NKAIN3: variants seen among roughly 807,000 people sequenced by gnomAD.
The protein encoded by NKAIN3 is sodium/potassium-transporting ATPase subunit beta-1-interacting protein 3.
NKAIN3 carries 25 observed loss-of-function variants against 30.2 expected under a neutral mutation model. The ratio of observed to expected loss-of-function variants is 0.83; its 90% CI spans 0.60 to 1.16. The LOEUF (loss-of-function observed/expected upper bound fraction) is 1.16. NKAIN3 is among the 50% of genes most tolerant of loss of function. NKAIN3 has a pLI of 0.00. For missense variants in NKAIN3, 225 were observed against 254.1 expected (o/e 0.89, Z 0.78); for synonymous variants, 91 against 89.6 (o/e 1.02, Z -0.09).
chr8:62,299,674 A>ACCCC (rs1813973909), intron 1 of NKAIN3, among the ~76,000 whole-genome samples: 1 of 152,010 alleles, frequency 6.6e-6, no homozygotes, highest in Non-Finnish European at 1.5e-5. Context: ...AAAAAGGAAC[A>ACCCC]CCTCTCTGTG....
intron 1 of NKAIN3, among the ~76,000 whole-genome samples, chr8:62,520,152 A>G (rs1262292957): frequency 6.6e-6 from 1 of 152,258 alleles, no homozygotes; most frequent in East Asian, 1.9e-4. Context: ...GACTATGTAG[A>G]TATCCTTAAA....
At chr8:62,394,358 C>T (rs564273614) in intron 1 of NKAIN3, among the ~76,000 whole-genome samples, 42 of 151,942 alleles carry the variant, frequency 2.8e-4, no homozygotes, top group Middle Eastern at 3.4e-3. Context: ...TGCTTAGATA[C>T]GTTACATTTA....
At chr8:62,909,799 A>AT (rs751696580) in intron 4 of NKAIN3, among the ~76,000 whole-genome samples, 4 of 152,160 alleles carry the variant, frequency 2.6e-5, no homozygotes, top group Non-Finnish European at 5.9e-5. Context: ...TAATATAGAG[A>AT]TTATGGTTGG....
At chr8:62,602,826 C>T (rs1344943250) in intron 3 of NKAIN3, among the ~76,000 whole-genome samples, 2 of 152,078 alleles carry the variant, frequency 1.3e-5, no homozygotes, top group African/African-American at 2.4e-5. Flanking sequence ...CCACTAACTT[C>T]AATAAGTCAA....
intron 4 of NKAIN3, among the ~76,000 whole-genome samples, chr8:62,752,652 C>T (rs1563546370): frequency 1.3e-5 from 2 of 152,154 alleles, no homozygotes. Flanking sequence ...TGTCAACAGC[C>T]AGTAGTGTGC....
At chr8:62,790,347 C>A (rs1817664743) in intron 4 of NKAIN3, among the ~76,000 whole-genome samples, 1 of 152,118 alleles carries the variant, frequency 6.6e-6, no homozygotes, top group African/African-American at 2.4e-5. Flanking sequence ...AAACCCACAG[C>A]CAATATCATA....
intron 3 of NKAIN3, among the ~76,000 whole-genome samples, chr8:62,707,782 C>A (rs756016424): frequency 6.6e-6 from 1 of 151,918 alleles, no homozygotes; most frequent in Admixed American, 6.6e-5. Flanking sequence ...TTGGGTCCTC[C>A]ATCATGAAAT....
chr8:62,990,464 G>A (rs1397043736), intron 5 of NKAIN3: 1 of 696,288 alleles, frequency 1.4e-6, no homozygotes, highest in Non-Finnish European at 1.9e-6. Flanking sequence ...CCATTGCTTT[G>A]TATAAAATGT....
In NKAIN3 at chr8:62,294,692, C is replaced by A. The variant is rs533870182; in HGVS notation, c.54+45565C>A. Among the ~76,000 whole-genome samples, 9 of 149,178 alleles carry A rather than the reference C, an allele frequency of 6.0e-5. No homozygotes were observed. In the East Asian group the frequency reaches 1.8e-3, roughly 29 times the overall value. On this transcript the variant is annotated intron_variant, in intron 1 of 6. Coordinates refer to ENST00000623646, the MANE Select transcript of NKAIN3 (RefSeq NM_001304533.3). ...CCTGGGGACCACAAGCACGTGTCACCATGCTGGTAAATTTTTGTATTTTAA... is the reference window on the plus strand; with the variant it reads ...CCTGGGGACCACAAGCACGTGTCACAATGCTGGTAAATTTTTGTATTTTAA...
At chr8:62,286,791 A>T (rs1433485793) in intron 1 of NKAIN3, among the ~76,000 whole-genome samples, 1 of 152,090 alleles carries the variant, frequency 6.6e-6, no homozygotes, top group African/African-American at 2.4e-5. Flanking sequence ...ATTTCAGCAT[A>T]AGATTGAGCT....
rs1010852689 is a variant in NKAIN3 at position 62,596,208 on chromosome 8, A to T, written c.273+6414A>T. Among the ~76,000 whole-genome samples, 5 of 151,946 alleles carry T rather than the reference A, an allele frequency of 3.3e-5. No individual in the cohort carries two copies. In the South Asian group the frequency reaches 1.0e-3, roughly 32 times the overall value. On this transcript the variant is annotated intron_variant, in intron 3 of 6. Coordinates refer to ENST00000623646, the MANE Select transcript of NKAIN3 (RefSeq NM_001304533.3). ...TGGCTAGCCATCCTGAGGGGAGGAA[A>T]CTATGTCTTCGTGAGTTTCCTCATT...
At chr8:62,701,206 T>A (rs1275063928) in intron 3 of NKAIN3, among the ~76,000 whole-genome samples, 1 of 152,186 alleles carries the variant, frequency 6.6e-6, no homozygotes, top group African/African-American at 2.4e-5. Flanking sequence ...ATGCAATAGA[T>A]GTTAGGATTT....
In NKAIN3 at chr8:62,880,879, T is replaced by C. The variant is rs539731998; in HGVS notation, c.472-37574T>C. On this transcript the variant is annotated intron_variant, in intron 4 of 6. Transcript: ENST00000623646. ...ATTTTAAATTTGATTAAAGAGCACA[T>C]AGAAAATCATTTCTGTATATTTAAT... Among the ~76,000 whole-genome samples, 14 of 152,302 alleles carry C rather than the reference T, an allele frequency of 9.2e-5. 1 individual carries two copies. In the South Asian group the frequency reaches 2.9e-3, roughly 32 times the overall value.
intron 1 of NKAIN3, among the ~76,000 whole-genome samples, chr8:62,467,408 C>G (rs1434830717): frequency 6.6e-6 from 1 of 152,172 alleles, no homozygotes; most frequent in African/African-American, 2.4e-5. Context: ...CTGTAAAGTC[C>G]TATAGCTAAT....
At chr8:62,846,327 CTTTTA>C (rs980797961) in intron 4 of NKAIN3, among the ~76,000 whole-genome samples, 3 of 151,938 alleles carry the variant, frequency 2.0e-5, no homozygotes, top group African/African-American at 4.8e-5. Flanking sequence ...TTATTTCCAA[CTTTTA>C]TTTTAAGTTC....
chr8:62,379,178 G>A (rs1585741198), intron 1 of NKAIN3, among the ~76,000 whole-genome samples: 1 of 152,176 alleles, frequency 6.6e-6, no homozygotes. Context: ...CCTTTGTTTT[G>A]TCCAATTTCT....
At chr8:62,619,860 A>C (rs1811570809) in intron 3 of NKAIN3, among the ~76,000 whole-genome samples, 1 of 152,182 alleles carries the variant, frequency 6.6e-6, no homozygotes, top group African/African-American at 2.4e-5. Flanking sequence ...ACACCCTTGT[A>C]AAATAAATTG....
chr8:62,467,883 C>G (rs1461996306), intron 1 of NKAIN3, among the ~76,000 whole-genome samples: 5 of 152,074 alleles, frequency 3.3e-5, no homozygotes, highest in Admixed American at 3.3e-4. Context: ...ATCCTCCCAC[C>G]TCAGCCTCTC....
At position 62,813,280 on chromosome 8, in the gene NKAIN3, A is replaced by G. The variant is rs1266991742; in HGVS notation, c.471+66151A>G. On this transcript the variant is annotated intron_variant, in intron 4 of 6. Coordinates refer to ENST00000623646, the MANE Select transcript of NKAIN3 (RefSeq NM_001304533.3). ...AGTATATTTTGAACTCTGTTAATAT[A>G]ACGCCTGCAACATTGTCCTGGCACT... 5.9e-5 allele frequency among the ~76,000 whole-genome samples: 9 copies of G among 152,010 alleles called. No homozygotes were observed. In the East Asian group the frequency reaches 1.7e-3, roughly 29 times the overall value.
Sources: allele counts gnomAD v4.1 joint callset (sites outside exome capture counted in the v4.1 genomes callset), GRCh38; gene constraint gnomAD v4.1.1; transcripts MANE v1.5; gene names NCBI Gene and HGNC (gene_info 2026-07-23, HGNC 2026-07-21).